Variants in DIS3L2 observed in about 807,000 individuals in gnomAD.
The protein encoded by DIS3L2 is DIS3-like exonuclease 2.
A neutral mutation model predicts 97.5 loss-of-function variants in DIS3L2; 34 were observed. The observed-to-expected ratio is 0.35, with a 90% CI of 0.27 to 0.46. The LOEUF (loss-of-function observed/expected upper bound fraction) is 0.46. Among genes scored for constraint, DIS3L2 ranks in the 20% least tolerant of loss-of-function variants. The pLI is 1.00. For synonymous variants in DIS3L2, 435 were observed against 445.2 expected (o/e 0.98, Z 0.29); for missense variants, 1,038 against 1,146.0 (o/e 0.91, Z 1.36).
intron 10 of DIS3L2, among the ~76,000 whole-genome samples, chr2:232,227,249 G>A (rs192927675): frequency 1.5e-3 from 231 of 152,302 alleles, no homozygotes; most frequent in African/African-American, 5.1e-3. Flanking sequence ...AGCGCTTGTA[G>A]TCTACAGGTG....
At chr2:232,201,910 A>T (rs955537921) in intron 9 of DIS3L2, among the ~76,000 whole-genome samples, 1 of 152,218 alleles carries the variant, frequency 6.6e-6, no homozygotes. Context: ...TGAAGGGTAT[A>T]TGGATGTTCA....
Position 232,016,634 on chromosome 2 carries a change from A to G in DIS3L2, c.210+963A>G, listed in dbSNP as rs975814896. 2.0e-5 allele frequency among the ~76,000 whole-genome samples: 3 copies of G among 152,246 alleles called. No homozygotes were observed. In the South Asian group the frequency reaches 6.2e-4, roughly 32 times the overall value. ...CGAAAACATGAACTTGTGAAACAACATGGAGTATGGCAGCTTAGGCCTCCT... is the reference window on the plus strand; with the variant it reads ...CGAAAACATGAACTTGTGAAACAACGTGGAGTATGGCAGCTTAGGCCTCCT... On this transcript the variant is annotated intron_variant, in intron 3 of 20. Coordinates refer to ENST00000325385, the MANE Select transcript of DIS3L2 (RefSeq NM_152383.5).
At chr2:232,213,261 G>GTGC (rs1484277282) in intron 10 of DIS3L2, among the ~76,000 whole-genome samples, 3 of 152,062 alleles carry the variant, frequency 2.0e-5, no homozygotes, top group Non-Finnish European at 4.4e-5. Flanking sequence ...ATATTATGAG[G>GTGC]TGCCAGAAAT....
chr2:232,024,154 A>T, intron 3 of DIS3L2, 123 bp from the exon 4 acceptor site: 3 of 626,726 alleles, frequency 4.8e-6, no homozygotes, highest in Non-Finnish European at 8.3e-6. Flanking sequence ...TATTTCTTAT[A>T]CATCTAACTT....
intron 13 of DIS3L2, among the ~76,000 whole-genome samples, chr2:232,285,282 A>G (rs1472902147): frequency 1.3e-5 from 2 of 152,170 alleles, no homozygotes; most frequent in African/African-American, 4.8e-5. Flanking sequence ...AGGTGAAGCC[A>G]ACCTATCTCT....
intron 9 of DIS3L2, among the ~76,000 whole-genome samples, chr2:232,171,842 T>C (rs1032737407): frequency 3.9e-5 from 6 of 152,204 alleles, no homozygotes; most frequent in African/African-American, 1.4e-4. Context: ...AAATTCATGT[T>C]GATAAATAGC....
At chr2:232,255,988 C>T (rs536327297) in intron 12 of DIS3L2, among the ~76,000 whole-genome samples, 1 of 152,328 alleles carries the variant, frequency 6.6e-6, no homozygotes, top group South Asian at 2.1e-4. Flanking sequence ...TATTCTCTCT[C>T]ACCTTGACAG....
At chr2:232,214,229 A>G (rs1692272979) in intron 10 of DIS3L2, among the ~76,000 whole-genome samples, 2 of 152,218 alleles carry the variant, frequency 1.3e-5, no homozygotes, top group South Asian at 4.1e-4. Flanking sequence ...TGGGAATGCC[A>G]CAGTTGTCAG....
chr2:232,014,273 C>A (rs1053774178), intron 1 of DIS3L2, among the ~76,000 whole-genome samples: 1 of 152,178 alleles, frequency 6.6e-6, no homozygotes, highest in Non-Finnish European at 1.5e-5. Context: ...CGTCTAATTA[C>A]AGTATTGCTG....
intron 4 of DIS3L2, among the ~76,000 whole-genome samples, chr2:232,029,538 G>A (rs1694747338): frequency 6.6e-6 from 1 of 151,686 alleles, no homozygotes; most frequent in African/African-American, 2.4e-5. Context: ...CAGCAAGGTC[G>A]GTAGAGTGTG....
intron 1 of DIS3L2, among the ~76,000 whole-genome samples, chr2:231,998,790 C>T (rs745769532): frequency 5.3e-5 from 8 of 152,110 alleles, no homozygotes; most frequent in Non-Finnish European, 8.8e-5. Context: ...TTATCACTTG[C>T]GATACTGCTG....
At position 232,027,799 on chromosome 2, in the gene DIS3L2, T is replaced by A. The variant is rs145234051; in HGVS notation, c.265-2180T>A. On this transcript the variant is annotated intron_variant, in intron 4 of 20. Coordinates refer to ENST00000325385, the MANE Select transcript of DIS3L2 (RefSeq NM_152383.5). The stretch of plus-strand genomic sequence containing the variant: ...GAGTAACTTATGTGTACTTGCTAGT[T>A]TTGTGAGGTTCTCAATAAAAATGAA... Among the ~76,000 whole-genome samples, 509 of 152,268 alleles carry A rather than the reference T, an allele frequency of 3.3e-3. 7 individuals are homozygous for A. The highest frequency in any genetic ancestry group is 0.011 in the African/African-American group (474 of 41,556).
intron 13 of DIS3L2, among the ~76,000 whole-genome samples, chr2:232,273,854 T>C (rs1260211104): frequency 1.3e-5 from 2 of 152,218 alleles, no homozygotes; most frequent in African/African-American, 4.8e-5. Flanking sequence ...TAGGGTCAGC[T>C]ACCATTAGCT....
At chr2:232,034,481 G>C (rs1266150173) in intron 5 of DIS3L2, among the ~76,000 whole-genome samples, 1 of 151,906 alleles carries the variant, frequency 6.6e-6, no homozygotes, top group Non-Finnish European at 1.5e-5. Context: ...GTTCTGCTCC[G>C]ATCTTAGTTA....
At chr2:232,174,232 C>T (rs1391683336) in intron 9 of DIS3L2, among the ~76,000 whole-genome samples, 1 of 151,906 alleles carries the variant, frequency 6.6e-6, no homozygotes, top group Non-Finnish European at 1.5e-5. Context: ...TTATTTATTG[C>T]TAATGTTTAG....
intron 3 of DIS3L2, among the ~76,000 whole-genome samples, chr2:232,016,420 A>G (rs983402717): frequency 1.3e-5 from 2 of 152,158 alleles, no homozygotes; most frequent in Non-Finnish European, 2.9e-5. Context: ...TAAAATGGCA[A>G]GTGCTCAGAT....
At chr2:232,278,863 A>G (rs1268480343) in intron 13 of DIS3L2, among the ~76,000 whole-genome samples, 1 of 152,196 alleles carries the variant, frequency 6.6e-6, no homozygotes, top group African/African-American at 2.4e-5. Context: ...GTGTATATTT[A>G]ACTTCATAAA....
intron 6 of DIS3L2, 94 bp from the exon 7 acceptor site, chr2:232,130,525 A>AT: frequency 1.4e-6 from 2 of 1,437,324 alleles, no homozygotes; most frequent in South Asian, 3.0e-5. Context: ...GGTAACTGGT[A>AT]TCCAGGCATC....
chr2:232,134,531 A>T (rs1698305267), intron 7 of DIS3L2, among the ~76,000 whole-genome samples: 3 of 152,156 alleles, frequency 2.0e-5, no homozygotes, highest in Admixed American at 2.0e-4. Flanking sequence ...GTGATAGAAT[A>T]TGGTGGTTCA....
Sources: allele counts gnomAD v4.1 joint callset (sites outside exome capture counted in the v4.1 genomes callset), GRCh38; gene constraint gnomAD v4.1.1; transcripts MANE v1.5; gene names NCBI Gene and HGNC (gene_info 2026-07-23, HGNC 2026-07-21).